Variants in PCNX1 observed in about 807,000 individuals in gnomAD.
PCNX1 encodes pecanex-like protein 1.
In PCNX1, 78 loss-of-function variants were observed where a neutral mutation model predicts 242.2. The observed-to-expected ratio is 0.32, with a 90% confidence interval of 0.27 to 0.39. The LOEUF (loss-of-function observed/expected upper bound fraction) is 0.39, where lower values mean the gene tolerates loss of function less well. PCNX1 is among the 10% of genes least tolerant of loss of function. PCNX1 has a pLI of 1.00. For synonymous variants in PCNX1, 1,024 were observed against 1,032.9 expected (o/e 0.99, Z 0.17); for missense variants, 2,581 against 2,856.5 (o/e 0.90, Z 2.20).
At chr14:70,978,817 G>A (rs1449068815) in intron 6 of PCNX1, among the ~76,000 whole-genome samples, 169 bp downstream of exon 6, 2 of 152,038 alleles carry the variant, frequency 1.3e-5, no homozygotes, top group South Asian at 4.2e-4. Flanking sequence ...AAAAGGTTTT[G>A]GTATGAACAC....
At chr14:71,011,447 T>C (rs1566696285) in intron 9 of PCNX1, 45 bp from the exon 10 acceptor site, 2 of 1,041,802 alleles carry the variant, frequency 1.9e-6, no homozygotes, top group African/African-American at 1.6e-5. Flanking sequence ...GATATATTTT[T>C]CTTTCTGCTT....
chr14:71,069,999 A>G (rs1469604936), intron 26 of PCNX1, among the ~76,000 whole-genome samples: 2 of 152,120 alleles, frequency 1.3e-5, no homozygotes, highest in South Asian at 2.1e-4. Flanking sequence ...ACTTTTTGCT[A>G]TTGCTTTATT....
At chr14:70,992,800 A>G (rs1047772347) in intron 7 of PCNX1, among the ~76,000 whole-genome samples, 11 of 152,198 alleles carry the variant, frequency 7.2e-5, no homozygotes, top group Non-Finnish European at 1.5e-4. Context: ...TATTTGTACC[A>G]TTATTAGTTT....
At chr14:71,072,976 A>G (rs1278762537) in intron 26 of PCNX1, among the ~76,000 whole-genome samples, 1 of 152,230 alleles carries the variant, frequency 6.6e-6, no homozygotes, top group East Asian at 1.9e-4. Flanking sequence ...AGAAATCAGT[A>G]AGTCAAAATT....
At chr14:70,992,455 T>A (rs1285083883) in intron 7 of PCNX1, among the ~76,000 whole-genome samples, 2 of 152,150 alleles carry the variant, frequency 1.3e-5, no homozygotes, top group African/African-American at 2.4e-5. Flanking sequence ...TTCAAAACAC[T>A]CTTCTGGGTT....
intron 13 of PCNX1, among the ~76,000 whole-genome samples, chr14:71,023,591 G>A (rs773917088): frequency 7.2e-5 from 11 of 152,056 alleles, no homozygotes; most frequent in Non-Finnish European, 1.3e-4. Flanking sequence ...GAATTTTGAA[G>A]TAGGAAAAAC....
rs2062740975 is a variant in PCNX1, at chr14:71,110,844, C to G, written c.*909C>G. 1 of 152,678 alleles carries G rather than the reference C, an allele frequency of 6.5e-6. No homozygotes were observed. The highest frequency in any genetic ancestry group is 1.5e-5 in the Non-Finnish European group (1 of 68,040). 9.5% of individuals were successfully genotyped at this position (152,678 alleles called of 1,614,324 possible). A position where few individuals can be genotyped will look rare whatever the true frequency, so the allele number is the denominator to read the frequency against. ...CTCTGCTTCTCTCCACCAGAGCAAGCTCTGCTGGGCGTGCTTCTGGGAAGA... is the reference window on the plus strand; with the variant it reads ...CTCTGCTTCTCTCCACCAGAGCAAGGTCTGCTGGGCGTGCTTCTGGGAAGA... On this transcript the variant is annotated 3_prime_UTR_variant, in exon 36 of 36. Transcript: ENST00000304743.
In PCNX1 at chr14:71,109,508, A is replaced by G. The variant is rs943140754; in HGVS notation, c.6801A>G (p.Leu2267=). 6.2e-6 allele frequency: 10 copies of G among 1,613,634 alleles called. No individual in the cohort carries two copies. The highest frequency in any genetic ancestry group is 1.6e-4 in the Middle Eastern group (1 of 6,084). Residue 2267 remains leucine (L), a synonymous_variant, in exon 35 of 36, where the codon CTA becomes CTG. Transcript: ENST00000304743. ...TCAACCTGTCTAAAAGGAAAGAGCT[A>G]CAGTGGCCTGATGAAGGAATCCGGT... ...EGINLSKRKE[L]QWPDEGIRLK...
In PCNX1 at chr14:70,976,958, G is replaced by A; in HGVS notation, c.621G>A (p.Arg207=). 6.2e-7 allele frequency: 1 copy of A among 1,611,468 alleles called. No individual in the cohort carries two copies. The highest frequency in any genetic ancestry group is 8.5e-7 in the Non-Finnish European group (1 of 1,178,148). The change falls in exon 6 of 36, where the codon CGG becomes CGA. Residue 207 remains arginine (R), a synonymous_variant. Transcript: ENST00000304743. ...TTGAAACAGATTTGGCAGCTGATCGGAAGCTCTTTCGTCTTGTCTCCAATG... is the reference window on the plus strand; with the variant it reads ...TTGAAACAGATTTGGCAGCTGATCGAAAGCTCTTTCGTCTTGTCTCCAATG... ...GSEEQDLAAD[R]KLFRLVSNDS... is the part of the protein sequence containing the mutation.
rs2240534 is a variant in PCNX1 at position 71,074,302 on chromosome 14, A to T, written c.5106+504A>T. The stretch of plus-strand genomic sequence containing the variant: ...GAATAAAAGTATTGCAAAATTCAAG[A>T]GGTCCCTAAGACCACCCTCACTTCT... On this transcript the variant is annotated intron_variant, in intron 27 of 35. Coordinates refer to ENST00000304743, the MANE Select transcript of PCNX1 (RefSeq NM_014982.3). Among the ~76,000 whole-genome samples the T allele has an allele frequency of 7.9e-5, 12 of 152,286 alleles. No individual in the cohort carries two copies. The East Asian group carries it at 2.3e-3, about 29-fold the overall frequency.
chr14:71,032,113 A>G, intron 16 of PCNX1: 1 of 589,134 alleles, frequency 1.7e-6, no homozygotes, highest in Non-Finnish European at 3.1e-6. Context: ...AGGTCGCTCA[A>G]GAGAGGGTCT....
chr14:70,989,741 A>C (rs2059108015), intron 7 of PCNX1, among the ~76,000 whole-genome samples: 1 of 152,024 alleles, frequency 6.6e-6, no homozygotes. Flanking sequence ...CTTGTTGGCC[A>C]GGCTGGTCTT....
Position 70,935,573 on chromosome 14 carries a change from C to CTTG in PCNX1, c.154-11341_154-11340insTGT, listed in dbSNP as rs2056969882. On this transcript the variant is annotated intron_variant, in intron 1 of 35. Coordinates refer to ENST00000304743, the MANE Select transcript of PCNX1 (RefSeq NM_014982.3). ...CCTGTAGACCATTCAGTGTTAAGTA[C>CTTG]TCTGTTTTATCTTTTCCTATTTGGC... 1.1e-4 allele frequency among the ~76,000 whole-genome samples: 17 copies of CTTG among 152,054 alleles called. 1 individual carries two copies. In the East Asian group the frequency reaches 3.3e-3, roughly 29 times the overall value.
intron 31 of PCNX1, 60 bp downstream of exon 31, chr14:71,102,280 A>AT (rs564636619): frequency 0.057 from 53,546 of 941,272 alleles, 2 homozygotes; most frequent in East Asian, 0.068. Context: ...TTGATCTAAA[A>AT]TTTTTTTTTT....
Position 70,977,758 on chromosome 14 carries a change from A to G in PCNX1, c.1421A>G (p.Asp474Gly). ...VHEAKDPTPS[D>G]EMHNQRGLST... ...GAGGCCAAGGACCCCACCCCCTCTG[A>G]TGAGATGCACAACCAGAGAGGTCTC... The change falls in exon 6 of 36, where the codon GAT becomes GGT. Residue 474 changes from aspartate (D) to glycine (G), a missense_variant. Asp to Gly is a moderately conservative substitution (Grantham distance 94). Around this residue, in one of 9 missense-constraint regions of PCNX1, gnomAD observed 1,204 missense variants for 1,216.7 expected, o/e 0.99. Coordinates refer to ENST00000304743, the MANE Select transcript of PCNX1 (RefSeq NM_014982.3). 6.2e-7 allele frequency: 1 copy of G among 1,614,130 alleles called. No individual in the cohort carries two copies.
At chr14:71,014,099 A>AG (rs2059895814) in intron 11 of PCNX1, among the ~76,000 whole-genome samples, 1 of 152,202 alleles carries the variant, frequency 6.6e-6, no homozygotes, top group Non-Finnish European at 1.5e-5. Flanking sequence ...CACTGGGAAT[A>AG]GTACATGTCC....
chr14:71,087,965 TAAA>T (rs554645724), intron 28 of PCNX1, among the ~76,000 whole-genome samples: 3 of 146,742 alleles, frequency 2.0e-5, no homozygotes, highest in Non-Finnish European at 4.5e-5. Context: ...AAGTAGTTAA[TAAA>T]AAAAAAAGAA....
At chr14:71,026,441 T>C (rs1308552878) in intron 14 of PCNX1, among the ~76,000 whole-genome samples, 153 bp downstream of exon 14, 1 of 152,206 alleles carries the variant, frequency 6.6e-6, no homozygotes, top group Non-Finnish European at 1.5e-5. Flanking sequence ...AGGACTATTA[T>C]GAGTGAATAA....
chr14:70,947,754 A>G (rs1340235896), intron 2 of PCNX1, among the ~76,000 whole-genome samples: 4 of 152,234 alleles, frequency 2.6e-5, no homozygotes, highest in African/African-American at 9.6e-5. Context: ...TCAGGGAACA[A>G]GGAGATAACC....
Sources: gnomAD v4.1 joint callset for allele counts (sites outside exome capture counted in the v4.1 genomes callset) on GRCh38, gnomAD v4.1.1 for gene constraint, gnomAD v4.1.1 regional missense constraint, MANE v1.5 for transcripts, NCBI Gene and HGNC (gene_info 2026-07-23, HGNC 2026-07-21) for gene names.